BEST2: variants seen among roughly 807,000 people sequenced by gnomAD.
BEST2 encodes bestrophin 2, also known as bestrophin-2a.
In BEST2, 36 loss-of-function variants were observed where a neutral mutation model predicts 49.0. The observed-to-expected ratio is 0.73, with a 90% CI of 0.56 to 0.97. BEST2 has a LOEUF of 0.97. Ranked by LOEUF, BEST2 falls within the 50% of genes least tolerant of loss-of-function variation. BEST2 has a pLI of 0.00. For missense variants in BEST2, 672 were observed against 710.0 expected, an observed-to-expected ratio of 0.95 and a Z score of 0.61; for synonymous variants, 335 against 304.4, an observed-to-expected ratio of 1.10 and a Z score of -1.05.
In BEST2 at chr19:12,752,715, G is replaced by A; in HGVS notation, c.123G>A (p.Gly41=). The change falls in exon 2 of 10, where the codon GGG becomes GGA. Residue 41 remains glycine (G), a synonymous_variant. Coordinates refer to ENST00000553030, the MANE Select transcript of BEST2 (RefSeq NM_017682.3). The part of the protein sequence containing the change: ...LLWRELLCFL[G]FYMALSAAYR... ...GGCGAGAGCTGCTCTGCTTCCTTGG[G>A]TTCTACATGGCGCTGAGTGCTGCCT... 6.2e-7 allele frequency: 1 copy of A among 1,612,382 alleles called. No individual in the cohort carries two copies.
At chr19:12,754,506 T>C in intron 3 of BEST2, 46 bp from the exon 4 acceptor site, 1 of 1,388,874 alleles carries the variant, frequency 7.2e-7, no homozygotes, top group Non-Finnish European at 9.6e-7. Flanking sequence ...CCCAAACCCC[T>C]GGCCCTGGTG....
chr19:12,755,891 G>A lies in BEST2; in HGVS notation c.904G>A (p.Asp302Asn), dbSNP rs769123082. 5 of 1,614,186 alleles carry A rather than the reference G, an allele frequency of 3.1e-6. No homozygotes were observed. The highest frequency in any genetic ancestry group is 2.2e-5 in the South Asian group (2 of 91,086). The change falls in exon 8 of 10, where the codon GAT (aspartate) becomes AAT (asparagine). Residue 302 changes from aspartate to asparagine, a missense_variant. By Grantham distance (23) the Asp-to-Asn change is conservative. Around this residue, in one of 3 missense-constraint regions of BEST2, gnomAD observed 16 missense variants for 39.3 expected, o/e 0.41. Transcript: ENST00000553030. The surrounding 1 kb of genome is among the most constrained non-coding windows in gnomAD (Gnocchi z 4.4). The part of the protein sequence containing the change: ...EQLINPFGED[D>N]DDFETNFLID... ...GCTCATCAACCCCTTCGGAGAGGACGATGATGACTTTGAGACCAACTTTCT... is the reference window on the plus strand; with the variant it reads ...GCTCATCAACCCCTTCGGAGAGGACAATGATGACTTTGAGACCAACTTTCT...
At position 12,753,287 on chromosome 19, in the gene BEST2, C is replaced by A; in HGVS notation, c.180C>A (p.Arg60=). 5.0e-6 allele frequency: 8 copies of A among 1,614,228 alleles called. No homozygotes were observed. The highest frequency in any genetic ancestry group is 5.9e-6 in the Non-Finnish European group (7 of 1,180,030). Residue 60 remains arginine, a synonymous_variant, in exon 3 of 10, where the codon CGC becomes CGA. Coordinates refer to ENST00000553030, the MANE Select transcript of BEST2 (RefSeq NM_017682.3). ...TTGTGCTGACCGAAGGGCAGAAGCG[C>A]TACTTCGAGAAGCTTGTGATTTATT... is the stretch of plus-strand genomic sequence containing the variant. The part of the protein sequence containing the change: ...YRFVLTEGQK[R]YFEKLVIYCD...
rs530179636 is a variant in BEST2 at position 12,756,136 on chromosome 19, C to T, written c.949-5C>T. ...CCACTTTACCCTGTGTGTTTGCACC[C>T]GTAGGTGTCCATGCTGGCAGTGGAC... On this transcript the variant is annotated splice_region_variant and splice_polypyrimidine_tract_variant and intron_variant, in intron 8 of 9. Transcript: ENST00000553030. 5 of 1,614,202 alleles carry T rather than the reference C, an allele frequency of 3.1e-6. No individual in the cohort carries two copies. The South Asian group carries it at 3.3e-5, about 11-fold the overall frequency.
rs1271383213 is a variant in BEST2, at chr19:12,756,284, C to A, written c.1092C>A (p.Thr364=). The change falls in exon 9 of 10, where the codon ACC becomes ACA. Residue 364 remains threonine, a synonymous_variant. Coordinates refer to ENST00000553030, the MANE Select transcript of BEST2 (RefSeq NM_017682.3). ...GGCAGCCTTCCTTCCAGGGCTCCAC[C>A]TTTGACATCACGTGAGCCAGTTGGG... is the stretch of plus-strand genomic sequence containing the variant. The part of the protein sequence containing the change: ...QLRQPSFQGS[T]FDITLAKEDM... 6.2e-7 allele frequency: 1 copy of A among 1,613,236 alleles called. No homozygotes were observed. Among genetic ancestry groups the A allele is most frequent in the South Asian group, 1.1e-5 (1 of 91,088 alleles).
chr19:12,753,427 C>T, intron 3 of BEST2, 73 bp downstream of exon 3: 1 of 1,394,752 alleles, frequency 7.2e-7, no homozygotes, highest in Non-Finnish European at 1.0e-6. Flanking sequence ...TTTTGAGGAG[C>T]CCCCATTCCT....
chr19:12,754,896 G>A lies in BEST2; in HGVS notation c.501G>A (p.Glu167=), dbSNP rs1298623278. Residue 167 remains glutamate, a synonymous_variant, in exon 5 of 10, where the codon GAG becomes GAA. Coordinates refer to ENST00000553030, the MANE Select transcript of BEST2 (RefSeq NM_017682.3). ...VVEAGFMTRE[E]RKKFENLNSS... is the part of the protein sequence containing the mutation. ...CTCCAGGGTTTATGACCCGCGAGGA[G>A]CGCAAGAAGTTTGAAAACCTGAACT... 7.4e-6 allele frequency: 12 copies of A among 1,613,134 alleles called. No homozygotes were observed. The highest frequency in any genetic ancestry group is 1.0e-5 in the Non-Finnish European group (12 of 1,179,656).
At chr19:12,757,271 G>A (rs1162402911) in intron 9 of BEST2, among the ~76,000 whole-genome samples, 2 of 151,984 alleles carry the variant, frequency 1.3e-5, no homozygotes, top group African/African-American at 4.8e-5. Context: ...AAATTAGCCG[G>A]TGTGGTGGCA....
chr19:12,753,267 C>A lies in BEST2; in HGVS notation c.160C>A (p.Leu54Met). The A allele has an allele frequency of 3.1e-6, 5 of 1,614,170 alleles. No individual in the cohort carries two copies. Among genetic ancestry groups the A allele is most frequent in the Non-Finnish European group, 4.2e-6 (5 of 1,180,002 alleles). The change falls in exon 3 of 10, where the codon CTG (leucine) becomes ATG (methionine). Residue 54 changes from leucine to methionine, a missense_variant. Transcript: ENST00000553030. Reference sequence around the variant, plus strand: ...CTCATCTCTATCCCGCAGCTTTGTGCTGACCGAAGGGCAGAAGCGCTACTT... The same window carrying A: ...CTCATCTCTATCCCGCAGCTTTGTGATGACCGAAGGGCAGAAGCGCTACTT... ...MALSAAYRFV[L>M]TEGQKRYFEK... is the part of the protein sequence containing the mutation.
chr19:12,754,062 CTTTTTTTTTT>C (rs36076549), intron 3 of BEST2, among the ~76,000 whole-genome samples: 65 of 54,456 alleles, frequency 1.2e-3, no homozygotes, highest in Non-Finnish European at 2.0e-3. Context: ...GCTGCTCTGC[CTTTTTTTTTT>C]TTTTTTTTTT....
At position 12,755,719 on chromosome 19, in the gene BEST2, G is replaced by A. The variant is rs757364360; in HGVS notation, c.819G>A (p.Val273=). ...GYKDHDLDLC[V]PIFTLLQFFF... ...AAGACCACGACCTAGACCTGTGTGT[G>A]CCCATCTTCACCCTCTTGCAGTTCT... The change falls in exon 7 of 10, where the codon GTG becomes GTA. Residue 273 remains valine (V), a synonymous_variant. Coordinates refer to ENST00000553030, the MANE Select transcript of BEST2 (RefSeq NM_017682.3). This position sits in a 1 kb window ranked among gnomAD's most constrained non-coding sequence, Gnocchi z 4.4. The A allele has an allele frequency of 1.9e-6, 3 of 1,614,122 alleles. No homozygotes were observed. Among genetic ancestry groups the A allele is most frequent in the South Asian group, 2.2e-5 (2 of 91,084 alleles).
At chr19:12,753,103 G>A (rs532466975) in intron 2 of BEST2, among the ~76,000 whole-genome samples, 157 bp from the exon 3 acceptor site, 3 of 151,934 alleles carry the variant, frequency 2.0e-5, no homozygotes, top group Non-Finnish European at 2.9e-5. Context: ...CTCCTGCCTC[G>A]GCCTCCCAAA....
chr19:12,755,251 CT>C lies in BEST2; in HGVS notation c.637-127del. On this transcript the variant is annotated intron_variant, in intron 5 of 9. Coordinates refer to ENST00000553030, the MANE Select transcript of BEST2 (RefSeq NM_017682.3). The surrounding 1 kb of genome is among the most constrained non-coding windows in gnomAD (Gnocchi z 4.4). ...GCACACTCACCACCAAATACCCTCCCTGGAACCCCCAAAGCACACTCCCAAT... is the reference window on the plus strand; with the variant it reads ...GCACACTCACCACCAAATACCCTCCCGGAACCCCCAAAGCACACTCCCAAT... 1 of 1,120,432 alleles carries C rather than the reference CT, an allele frequency of 8.9e-7. No individual in the cohort carries two copies. The highest frequency in any genetic ancestry group is 1.3e-6 in the Non-Finnish European group (1 of 761,746). 69.4% of individuals were successfully genotyped at this position (1,120,432 alleles called of 1,614,324 possible).
intron 4 of BEST2, 42 bp from the exon 5 acceptor site, chr19:12,754,835 A>T (rs1967917898): frequency 6.3e-7 from 1 of 1,592,982 alleles, no homozygotes; most frequent in South Asian, 1.1e-5. Flanking sequence ...GACCAGGTGG[A>T]GGGGGGCAAG....
Position 12,753,344 on chromosome 19 carries a change from C to A in BEST2, c.237C>A (p.Ser79=). 1 of 1,614,098 alleles carries A rather than the reference C, an allele frequency of 6.2e-7. No homozygotes were observed. The highest frequency in any genetic ancestry group is 2.2e-5 in the East Asian group (1 of 44,878). Residue 79 remains serine, a synonymous_variant, in exon 3 of 10, where the codon TCC becomes TCA. Coordinates refer to ENST00000553030, the MANE Select transcript of BEST2 (RefSeq NM_017682.3). ...CDQYASLIPV[S]FVLGFYVTLV... is the part of the protein sequence containing the mutation. ...AGTATGCCAGCCTCATCCCTGTCTC[C>A]TTCGTGCTTGGTGCGGTCCAACCCC...
chr19:12,753,293 C>G lies in BEST2; in HGVS notation c.186C>G (p.Phe62Leu), dbSNP rs772723089. ...TGACCGAAGGGCAGAAGCGCTACTT[C>G]GAGAAGCTTGTGATTTATTGTGACC... ...FVLTEGQKRY[F>L]EKLVIYCDQY... The change falls in exon 3 of 10, where the codon TTC (phenylalanine) becomes TTG (leucine). Residue 62 changes from phenylalanine to leucine, a missense_variant. Physicochemically the swap from Phe to Leu is conservative, Grantham distance 22. This residue lies in a region of BEST2 where 365 missense variants were observed against 390.9 expected (regional missense o/e 0.93). Coordinates refer to ENST00000553030, the MANE Select transcript of BEST2 (RefSeq NM_017682.3). 1.2e-6 allele frequency: 2 copies of G among 1,614,154 alleles called. No homozygotes were observed.
intron 9 of BEST2, 61 bp downstream of exon 9, chr19:12,756,356 C>A: frequency 6.3e-7 from 1 of 1,581,418 alleles, no homozygotes; most frequent in South Asian, 1.1e-5. Context: ...CGGGGCACAT[C>A]TGATTGAAAA....
chr19:12,757,952 G>A lies in BEST2; in HGVS notation c.1405G>A (p.Glu469Lys), dbSNP rs373057256. ...CGAGGCCCCGCCCCCTGCGGGTCCC[G>A]AACCGCTTACCCTCATCCCTGGGCC... Reference protein sequence around the residue: ...EPEAPPPAGPEPLTLIPGPVE... With the variant: ...EPEAPPPAGPKPLTLIPGPVE... Residue 469 changes from glutamate (E) to lysine (K), a missense_variant, in exon 10 of 10, where the codon GAA (glutamate) becomes AAA (lysine). Physicochemically the swap from Glu to Lys is moderately conservative, Grantham distance 56. Coordinates refer to ENST00000553030, the MANE Select transcript of BEST2 (RefSeq NM_017682.3). 5.6e-6 allele frequency: 9 copies of A among 1,597,914 alleles called. No individual in the cohort carries two copies. The highest frequency in any genetic ancestry group is 4.0e-5 in the African/African-American group (3 of 74,926).
chr19:12,754,757 C>T lies in BEST2; in HGVS notation c.453C>T (p.Phe151=), dbSNP rs773394377. 4 of 1,588,998 alleles carry T rather than the reference C, an allele frequency of 2.5e-6. No homozygotes were observed. In the South Asian group the frequency reaches 3.4e-5, roughly 14 times the overall value. Residue 151 remains phenylalanine, a synonymous_variant, in exon 4 of 10, where the codon TTC becomes TTT. Coordinates refer to ENST00000553030, the MANE Select transcript of BEST2 (RefSeq NM_017682.3). Reference sequence around the variant, plus strand: ...TCAGCACCGCGGTGTTCAAGCGCTTCCCCACCATAGACCACGTGGTGGAGG... The same window carrying T: ...TCAGCACCGCGGTGTTCAAGCGCTTTCCCACCATAGACCACGTGGTGGAGG... ...RSVSTAVFKR[F]PTIDHVVEAG... is the part of the protein sequence containing the mutation.
Sources: gnomAD v4.1 joint callset for allele counts (sites outside exome capture counted in the v4.1 genomes callset) on GRCh38, gnomAD v4.1.1 for gene constraint, gnomAD v4.1.1 regional missense constraint, Gnocchi (gnomAD v3.1) non-coding constraint, MANE v1.5 for transcripts, NCBI Gene and HGNC (gene_info 2026-07-23, HGNC 2026-07-21) for gene names.